DCBLD2: variants seen among roughly 807,000 people sequenced by gnomAD.
DCBLD2 encodes discoidin, CUB and LCCL domain-containing protein 2.
A neutral mutation model predicts 86.8 loss-of-function variants in DCBLD2; 54 were observed. That is an observed-to-expected ratio of 0.62 (90% confidence interval 0.50 to 0.78). The LOEUF is 0.78. DCBLD2 is among the 30% of genes least tolerant of loss of function. The probability of loss-of-function intolerance (pLI) is 0.00; values close to 1 mark genes in which losing one functional copy is unlikely to be tolerated. For synonymous variants in DCBLD2, 354 were observed against 341.3 expected (o/e 1.04, Z -0.41); for missense variants, 908 against 954.2 (o/e 0.95, Z 0.64).
intron 2 of DCBLD2, among the ~76,000 whole-genome samples, chr3:98,868,051 C>T (rs1943190254): frequency 6.6e-6 from 1 of 152,128 alleles, no homozygotes; most frequent in South Asian, 2.1e-4. Flanking sequence ...GATCTGCCCA[C>T]CTCAGCCTCC....
chr3:98,866,616 T>A (rs769378806), intron 2 of DCBLD2, among the ~76,000 whole-genome samples: 23 of 152,252 alleles, frequency 1.5e-4, no homozygotes, highest in Middle Eastern at 6.8e-3. Context: ...GCCCTTTGTC[T>A]GATGAGTAGA....
chr3:98,850,894 T>C (rs1404118433), intron 2 of DCBLD2, among the ~76,000 whole-genome samples: 2 of 152,060 alleles, frequency 1.3e-5, no homozygotes, highest in Non-Finnish European at 2.9e-5. Flanking sequence ...ATCAAAAAAG[T>C]TAAAAAACTT....
intron 2 of DCBLD2, among the ~76,000 whole-genome samples, chr3:98,877,060 G>A (rs1318978481): frequency 1.3e-5 from 2 of 152,118 alleles, no homozygotes; most frequent in African/African-American, 4.8e-5. Context: ...GGGGTTAAAA[G>A]GAAAGAAGAA....
chr3:98,832,920 T>G (rs1180892023), intron 3 of DCBLD2, among the ~76,000 whole-genome samples: 1 of 152,304 alleles, frequency 6.6e-6, no homozygotes, highest in East Asian at 1.9e-4. Context: ...GGGGAGATCT[T>G]GTGTAGAATC....
At chr3:98,871,925 G>T (rs932591099) in intron 2 of DCBLD2, among the ~76,000 whole-genome samples, 1 of 152,084 alleles carries the variant, frequency 6.6e-6, no homozygotes, top group Non-Finnish European at 1.5e-5. Flanking sequence ...TGTTGTTGTT[G>T]TTGTCATTGG....
At position 98,808,168 on chromosome 3, in the gene DCBLD2, G is replaced by T. The variant is rs369024442; in HGVS notation, c.1583C>A (p.Ala528Glu). 1.9e-6 allele frequency: 3 copies of T among 1,596,662 alleles called. No individual in the cohort carries two copies. In the African/African-American group the frequency reaches 4.0e-5, roughly 22 times the overall value. The change falls in exon 13 of 16, where the codon GCG (alanine) becomes GAG (glutamate). Residue 528 changes from alanine (A) to glutamate (E), a missense_variant. Ala to Glu is a moderately radical substitution (Grantham distance 107). Around this residue, in one of 3 missense-constraint regions of DCBLD2, gnomAD observed 606 missense variants for 678.5 expected, o/e 0.89. Coordinates refer to ENST00000326840, the MANE Select transcript of DCBLD2 (RefSeq NM_080927.4). ...TVTPNVTKDV[A>E]LAAVLVPVLV... ...CACAGGGACAAGAACTGCAGCCAGC[G>T]CTACATCTGAAGTTACAAAGACAAA...
rs368489208 is a variant in DCBLD2, at chr3:98,820,297, G to C, written c.831-9C>G. ...TTGTAGATAAGTGTCCCCTGAAAGA[G>C]AGAAGGGTTTTTTTTGGTGATACTC... On this transcript the variant is annotated splice_polypyrimidine_tract_variant and intron_variant, in intron 6 of 15. Transcript: ENST00000326840. 3.7e-5 allele frequency: 54 copies of C among 1,462,088 alleles called. No individual in the cohort carries two copies. In the African/African-American group the frequency reaches 5.9e-4, roughly 16 times the overall value. 90.6% of individuals were successfully genotyped at this position (1,462,088 alleles called of 1,614,324 possible). A position where few individuals can be genotyped will look rare whatever the true frequency, so the allele number is the denominator to read the frequency against.
chr3:98,850,448 G>A (rs1338913010), intron 2 of DCBLD2, among the ~76,000 whole-genome samples: 5 of 152,204 alleles, frequency 3.3e-5, no homozygotes, highest in Non-Finnish European at 1.5e-5. Flanking sequence ...CAGGCCACAG[G>A]TTGGACAAGC....
intron 1 of DCBLD2, among the ~76,000 whole-genome samples, chr3:98,888,705 G>A (rs1943604355): frequency 6.6e-6 from 1 of 151,980 alleles, no homozygotes; most frequent in South Asian, 2.1e-4. Context: ...AAAGTTAAGA[G>A]AACAATGGCA....
intron 2 of DCBLD2, among the ~76,000 whole-genome samples, chr3:98,881,334 C>G (rs1002960069): frequency 6.6e-6 from 1 of 150,724 alleles, no homozygotes; most frequent in African/African-American, 2.4e-5. Context: ...GGCAAGGGTA[C>G]CAATATGTGC....
rs138460148 is a variant in DCBLD2 at position 98,854,566 on chromosome 3, A to G, written c.434-4968T>C. 9.9e-4 allele frequency among the ~76,000 whole-genome samples: 151 copies of G among 152,326 alleles called. 1 individual carries two copies. The East Asian group carries it at 0.016, about 17-fold the overall frequency. ...CTATTGGGTATATATTTAAAATGGG[A>G]CATAACAGATATTTACTAGGTTTAA... On this transcript the variant is annotated intron_variant, in intron 2 of 15. Coordinates refer to ENST00000326840, the MANE Select transcript of DCBLD2 (RefSeq NM_080927.4).
chr3:98,827,103 G>C (rs1942237685), intron 3 of DCBLD2, among the ~76,000 whole-genome samples: 1 of 152,140 alleles, frequency 6.6e-6, no homozygotes. Flanking sequence ...TAAATTAATA[G>C]TTATAAACCA....
chr3:98,817,811 C>A lies in DCBLD2; in HGVS notation c.1170G>T (p.Gln390His). Residue 390 changes from glutamine to histidine, a missense_variant, in exon 9 of 16, where the codon CAG becomes CAT. Transcript: ENST00000326840. ...CAGGCTCTCTGTACACAGTCCATTT[C>A]TGCCCATCATCACTGTACAGGATTC... Reference protein sequence around the residue: ...AYRILYSDDGQKWTVYREPGV... With the variant: ...AYRILYSDDGHKWTVYREPGV... 6.2e-7 allele frequency: 1 copy of A among 1,613,802 alleles called. No homozygotes were observed. Among genetic ancestry groups the A allele is most frequent in the Non-Finnish European group, 8.5e-7 (1 of 1,179,756 alleles).
At chr3:98,848,060 A>G (rs1426448394) in intron 3 of DCBLD2, among the ~76,000 whole-genome samples, 3 of 152,080 alleles carry the variant, frequency 2.0e-5, no homozygotes, top group Non-Finnish European at 2.9e-5. Context: ...TGTTTTACAG[A>G]TTATTTTATC....
chr3:98,811,343 T>A (rs1228025846), intron 11 of DCBLD2, 24 bp from the exon 12 acceptor site: 1 of 1,609,264 alleles, frequency 6.2e-7, no homozygotes, highest in Non-Finnish European at 8.5e-7. Flanking sequence ...TCAAAAGCTC[T>A]TTACTTTTTA....
intron 1 of DCBLD2, among the ~76,000 whole-genome samples, chr3:98,885,806 A>C (rs1251562780): frequency 6.6e-6 from 1 of 151,852 alleles, no homozygotes; most frequent in East Asian, 1.9e-4. Context: ...GCAGAGGAGA[A>C]GAGGACCCCA....
chr3:98,881,896 ATT>A, intron 1 of DCBLD2, 129 bp from the exon 2 acceptor site: 1 of 891,080 alleles, frequency 1.1e-6, no homozygotes, highest in Non-Finnish European at 1.7e-6. Flanking sequence ...TTTCTATTTT[ATT>A]TTTTTTAATG....
intron 1 of DCBLD2, among the ~76,000 whole-genome samples, chr3:98,882,864 T>C (rs1323317065): frequency 1.3e-5 from 2 of 152,236 alleles, no homozygotes; most frequent in Non-Finnish European, 2.9e-5. Flanking sequence ...CTATTGTGAA[T>C]AGTGCCGCAA....
intron 3 of DCBLD2, 68 bp from the exon 4 acceptor site, chr3:98,825,434 T>C: frequency 8.2e-7 from 1 of 1,223,624 alleles, no homozygotes; most frequent in Non-Finnish European, 1.1e-6. Context: ...ACTCCAAGTG[T>C]CTCAGAATCC....
Sources: allele counts gnomAD v4.1 joint callset (sites outside exome capture counted in the v4.1 genomes callset), GRCh38; gene constraint gnomAD v4.1.1; regional missense constraint gnomAD v4.1.1; transcripts MANE v1.5; gene names NCBI Gene and HGNC (gene_info 2026-07-23, HGNC 2026-07-21).